FER: variants seen among roughly 807,000 people sequenced by gnomAD.
The protein encoded by FER is tyrosine-protein kinase Fer.
Under a neutral mutation model 111.0 loss-of-function variants are expected in FER, and 63 were observed. The observed-to-expected ratio is 0.57, with a 90% confidence interval of 0.46 to 0.70. The LOEUF (loss-of-function observed/expected upper bound fraction) is 0.70, where lower values mean the gene tolerates loss of function less well. Ranked by LOEUF, FER falls within the 30% of genes least tolerant of loss-of-function variation. The pLI, the probability that FER is intolerant of heterozygous loss-of-function variation, is 0.00. For missense variants in FER, 914 were observed against 954.0 expected (o/e 0.96, Z 0.55); for synonymous variants, 327 against 313.9 (o/e 1.04, Z -0.44).
At chr5:108,946,829 T>C (rs1481778394) in intron 11 of FER, among the ~76,000 whole-genome samples, 1 of 151,808 alleles carries the variant, frequency 6.6e-6, no homozygotes, top group Non-Finnish European at 1.5e-5. Context: ...AGAAGGAGTT[T>C]TTTTTCCCCC....
chr5:109,051,519 A>C (rs1207541702), intron 16 of FER: 3 of 1,598,150 alleles, frequency 1.9e-6, no homozygotes, highest in Non-Finnish European at 2.6e-6. Flanking sequence ...TTTGTTCTGC[A>C]CTGTAATTAG....
intron 11 of FER, among the ~76,000 whole-genome samples, chr5:108,947,563 A>G (rs993468824): frequency 1.3e-5 from 2 of 151,946 alleles, no homozygotes; most frequent in Non-Finnish European, 2.9e-5. Flanking sequence ...GTTGAGTTGT[A>G]AGAGTATATA....
At chr5:109,139,539 A>T (rs1275258957) in intron 17 of FER, among the ~76,000 whole-genome samples, 1 of 151,892 alleles carries the variant, frequency 6.6e-6, no homozygotes, top group Non-Finnish European at 1.5e-5. Flanking sequence ...AAAAGAGAGC[A>T]TTTTTAAGAA....
chr5:108,785,148 G>T, intron 2 of FER: 1 of 596,614 alleles, frequency 1.7e-6, no homozygotes, highest in Non-Finnish European at 2.9e-6. Flanking sequence ...CTGGCTAACT[G>T]CAAGCTGAAG....
intron 17 of FER, among the ~76,000 whole-genome samples, chr5:109,126,007 G>GTT (rs577303115): frequency 6.7e-6 from 1 of 148,450 alleles, no homozygotes; most frequent in African/African-American, 2.5e-5. Flanking sequence ...ATCTATAGCT[G>GTT]TTTTTTTTTT....
intron 17 of FER, among the ~76,000 whole-genome samples, chr5:109,118,879 A>G (rs975546059): frequency 3.5e-4 from 52 of 148,054 alleles, no homozygotes; most frequent in African/African-American, 1.3e-3. Flanking sequence ...TATTGCATCT[A>G]TTTGATTCTT....
At chr5:109,070,341 A>G (rs1271886984) in intron 16 of FER, among the ~76,000 whole-genome samples, 1 of 151,888 alleles carries the variant, frequency 6.6e-6, no homozygotes, top group African/African-American at 2.4e-5. Flanking sequence ...GGGGAATGAT[A>G]CTCTTACAGA....
At chr5:108,933,742 A>T (rs1755041624) in intron 10 of FER, among the ~76,000 whole-genome samples, 1 of 152,274 alleles carries the variant, frequency 6.6e-6, no homozygotes, top group South Asian at 2.1e-4. Flanking sequence ...ATGAGCATGG[A>T]ATTTTTTTCC....
At chr5:108,804,599 G>A in intron 3 of FER, among the ~76,000 whole-genome samples, 2 of 152,034 alleles carry the variant, frequency 1.3e-5, no homozygotes, top group East Asian at 3.9e-4. Flanking sequence ...TTATTATATG[G>A]TTTTGTTTCT....
intron 14 of FER, among the ~76,000 whole-genome samples, chr5:109,042,492 T>C (rs574597275): frequency 1.3e-5 from 2 of 152,208 alleles, no homozygotes; most frequent in Non-Finnish European, 2.9e-5. Context: ...GAAAGCATAG[T>C]CATTTCTCAG....
At chr5:108,813,213 A>G (rs1341163453) in intron 3 of FER, among the ~76,000 whole-genome samples, 1 of 152,132 alleles carries the variant, frequency 6.6e-6, no homozygotes, top group Non-Finnish European at 1.5e-5. Context: ...CAATTTCTTT[A>G]CATATTTTAA....
At chr5:108,790,521 G>C (rs1755246607) in intron 2 of FER, among the ~76,000 whole-genome samples, 1 of 151,990 alleles carries the variant, frequency 6.6e-6, no homozygotes, top group Non-Finnish European at 1.5e-5. Flanking sequence ...TGAAATTCTA[G>C]GAAACTGGGG....
chr5:108,841,330 G>A (rs903309378), intron 5 of FER, among the ~76,000 whole-genome samples: 3 of 152,128 alleles, frequency 2.0e-5, no homozygotes, highest in Non-Finnish European at 2.9e-5. Context: ...GTTAAATTCC[G>A]AACACCTTTA....
chr5:108,855,733 A>C (rs182924652), intron 5 of FER, among the ~76,000 whole-genome samples: 1 of 152,334 alleles, frequency 6.6e-6, no homozygotes, highest in East Asian at 1.9e-4. Flanking sequence ...CTAAAACATA[A>C]GGTGAGGATT....
At chr5:108,815,917 C>T (rs1326563492) in intron 3 of FER, among the ~76,000 whole-genome samples, 7 of 152,002 alleles carry the variant, frequency 4.6e-5, no homozygotes, top group Admixed American at 3.3e-4. Context: ...GCTATACCAC[C>T]GGATTTGAAA....
chr5:109,151,448 T>C (rs751697230), intron 17 of FER, among the ~76,000 whole-genome samples: 1 of 152,088 alleles, frequency 6.6e-6, no homozygotes, highest in Non-Finnish European at 1.5e-5. Context: ...TCACCCAAGG[T>C]AAAAGATGAG....
intron 5 of FER, among the ~76,000 whole-genome samples, chr5:108,846,019 ATTTGCTAAG>A (rs1381264124): frequency 1.3e-5 from 2 of 152,034 alleles, no homozygotes; most frequent in East Asian, 3.8e-4. Context: ...GTTGGATGTG[ATTTGCTAAG>A]TTTTTGTTTA....
In FER at chr5:108,912,780, TG is replaced by T. The variant is rs550693757; in HGVS notation, c.1236+14938del. Among the ~76,000 whole-genome samples the T allele has an allele frequency of 5.3e-5, 8 of 152,276 alleles. No homozygotes were observed. In the South Asian group the frequency reaches 1.7e-3, roughly 32 times the overall value. On this transcript the variant is annotated intron_variant, in intron 10 of 19. Coordinates refer to ENST00000281092, the MANE Select transcript of FER (RefSeq NM_005246.4). ...GGATTGAAGGCCTGGGAAAAAAATTTGGGGGGTATTACCTGGGCTGGTTGTA... is the reference window on the plus strand; with the variant it reads ...GGATTGAAGGCCTGGGAAAAAAATTTGGGGGTATTACCTGGGCTGGTTGTA...
intron 11 of FER, among the ~76,000 whole-genome samples, chr5:108,952,361 G>T (rs1030724214): frequency 7.2e-6 from 1 of 138,454 alleles, no homozygotes; most frequent in Non-Finnish European, 1.7e-5. Context: ...AATTGTTTGG[G>T]ATTTCATTGA....
Sources: gnomAD v4.1 joint callset for allele counts (sites outside exome capture counted in the v4.1 genomes callset) on GRCh38, gnomAD v4.1.1 for gene constraint, MANE v1.5 for transcripts, NCBI Gene and HGNC (gene_info 2026-07-23, HGNC 2026-07-21) for gene names.